THEMIS: variants seen among roughly 807,000 people sequenced by gnomAD.
The protein encoded by THEMIS is protein THEMIS.
THEMIS carries 37 observed loss-of-function variants against 52.6 expected under a neutral mutation model. The observed-to-expected ratio is 0.70, with a 90% CI of 0.54 to 0.93. The LOEUF (loss-of-function observed/expected upper bound fraction) is 0.93. THEMIS is among the 40% of genes least tolerant of loss of function. The probability of loss-of-function intolerance (pLI) is 0.00; values close to 1 mark genes in which losing one functional copy is unlikely to be tolerated. For synonymous variants in THEMIS, 292 were observed against 272.7 expected (o/e 1.07, Z -0.70); for missense variants, 808 against 763.1 (o/e 1.06, Z -0.69).
rs1489348750 is a variant in THEMIS, at chr6:127,748,864, A to T, written c.1759-29041T>A. 2.6e-5 allele frequency among the ~76,000 whole-genome samples: 4 copies of T among 152,048 alleles called. No homozygotes were observed. The East Asian group carries it at 7.7e-4, about 29-fold the overall frequency. ...TATTGAGTTAAAATTTGATATTCAT[A>T]CCTCAAATTATTTAATAGTGAAAGC... On this transcript the variant is annotated intron_variant, in intron 4 of 5. Coordinates refer to ENST00000368248, the MANE Select transcript of THEMIS (RefSeq NM_001010923.3).
chr6:127,785,109 C>T (rs1266383360), intron 4 of THEMIS, among the ~76,000 whole-genome samples: 4 of 151,752 alleles, frequency 2.6e-5, no homozygotes, highest in Admixed American at 2.6e-4. Flanking sequence ...CATCTATCTA[C>T]CTACCTAATC....
At chr6:127,883,422 A>G (rs951085631) in intron 1 of THEMIS, among the ~76,000 whole-genome samples, 1 of 151,582 alleles carries the variant, frequency 6.6e-6, no homozygotes. Context: ...TAATTTAAAT[A>G]AAAGTAAATA....
At chr6:127,848,532 G>A (rs2114257916) in intron 2 of THEMIS, among the ~76,000 whole-genome samples, 1 of 152,058 alleles carries the variant, frequency 6.6e-6, no homozygotes, top group Non-Finnish European at 1.5e-5. Flanking sequence ...CTAGTTTACA[G>A]TCCCACCAAC....
chr6:127,867,769 A>G (rs1228875204), intron 1 of THEMIS, among the ~76,000 whole-genome samples: 1 of 152,154 alleles, frequency 6.6e-6, no homozygotes, highest in Non-Finnish European at 1.5e-5. Flanking sequence ...TTTAAATTAG[A>G]CTATGCTATG....
chr6:127,763,472 G>T (rs377118579), intron 4 of THEMIS, among the ~76,000 whole-genome samples: 5 of 151,952 alleles, frequency 3.3e-5, no homozygotes, highest in Admixed American at 2.0e-4. Context: ...AGACTTCTGC[G>T]TAACAAAGTA....
intron 2 of THEMIS, among the ~76,000 whole-genome samples, chr6:127,843,838 A>G (rs941864317): frequency 3.2e-4 from 48 of 152,044 alleles, no homozygotes; most frequent in African/African-American, 1.1e-3. Context: ...TATGGAGAGG[A>G]CCATGTGGTA....
chr6:127,749,120 G>C (rs983340800), intron 4 of THEMIS, among the ~76,000 whole-genome samples: 3 of 152,044 alleles, frequency 2.0e-5, no homozygotes, highest in Admixed American at 6.6e-5. Flanking sequence ...AAATCTCATA[G>C]TAAAACTTGA....
chr6:127,848,698 T>C (rs888127085), intron 2 of THEMIS, among the ~76,000 whole-genome samples: 1 of 152,214 alleles, frequency 6.6e-6, no homozygotes, highest in Non-Finnish European at 1.5e-5. Context: ...TTTTTTCACA[T>C]GTCTGTTGAC....
At chr6:127,817,469 T>G (rs1778176004) in intron 3 of THEMIS, among the ~76,000 whole-genome samples, 1 of 152,204 alleles carries the variant, frequency 6.6e-6, no homozygotes. Context: ...ATACTTGTAT[T>G]TAATGTCTTC....
intron 4 of THEMIS, among the ~76,000 whole-genome samples, chr6:127,728,125 T>C (rs570413766): frequency 6.6e-6 from 1 of 152,262 alleles, no homozygotes; most frequent in South Asian, 2.1e-4. Flanking sequence ...ACACCACTGT[T>C]GAACTTCTTT....
At chr6:127,902,734 T>G (rs957217469), upstream of THEMIS, among the ~76,000 whole-genome samples, 6 of 152,072 alleles carry the variant, frequency 3.9e-5, no homozygotes, top group Non-Finnish European at 2.9e-5. Context: ...GTCCTACCCT[T>G]GATCTGTCTG....
intron 1 of THEMIS, among the ~76,000 whole-genome samples, chr6:127,893,816 G>A (rs565724395): frequency 3.9e-5 from 6 of 151,960 alleles, no homozygotes; most frequent in Non-Finnish European, 5.9e-5. Context: ...CCTGAACTGA[G>A]ACAAAAGGCA....
chr6:127,785,220 T>TATC (rs144394110), intron 4 of THEMIS, among the ~76,000 whole-genome samples: 1 of 93,758 alleles, frequency 1.1e-5, no homozygotes, highest in Non-Finnish European at 2.5e-5. Flanking sequence ...ATTATCTATC[T>TATC]TATCTATCTA....
chr6:127,785,624 G>A (rs1776923750), intron 4 of THEMIS, among the ~76,000 whole-genome samples: 1 of 151,774 alleles, frequency 6.6e-6, no homozygotes, highest in Non-Finnish European at 1.5e-5. Context: ...AAATATCTCA[G>A]TTCACTTTTA....
At chr6:127,779,939 C>G (rs1479365164) in intron 4 of THEMIS, among the ~76,000 whole-genome samples, 1 of 151,994 alleles carries the variant, frequency 6.6e-6, no homozygotes, top group Non-Finnish European at 1.5e-5. Context: ...AAATTTATCT[C>G]CCCTGCATAT....
chr6:127,870,144 G>A (rs1367647471), intron 1 of THEMIS, among the ~76,000 whole-genome samples: 1 of 152,194 alleles, frequency 6.6e-6, no homozygotes, highest in African/African-American at 2.4e-5. Flanking sequence ...TTCCCACTGA[G>A]GTGATGTCAG....
chr6:127,911,292 G>C (rs1352955220), intron 1 of THEMIS, among the ~76,000 whole-genome samples: 1 of 151,008 alleles, frequency 6.6e-6, no homozygotes. Context: ...CTTGAGGGAG[G>C]AATATCTACG....
intron 1 of THEMIS, among the ~76,000 whole-genome samples, chr6:127,865,442 C>T (rs1374327643): frequency 6.6e-6 from 1 of 152,034 alleles, no homozygotes. Flanking sequence ...TATCATGTTT[C>T]AAGACTTTGT....
At chr6:127,851,219 T>C (rs1779412926) in intron 2 of THEMIS, among the ~76,000 whole-genome samples, 1 of 151,444 alleles carries the variant, frequency 6.6e-6, no homozygotes, top group African/African-American at 2.4e-5. Flanking sequence ...GAGAGAGGTA[T>C]AGAAAGAATA....
Sources: gnomAD v4.1 joint callset for allele counts (sites outside exome capture counted in the v4.1 genomes callset) on GRCh38, gnomAD v4.1.1 for gene constraint, MANE v1.5 for transcripts, NCBI Gene and HGNC (gene_info 2026-07-23, HGNC 2026-07-21) for gene names.